RNF38: variants seen among roughly 807,000 people sequenced by gnomAD.
The protein encoded by RNF38 is ring finger protein 38.
RNF38 carries 15 observed loss-of-function variants against 67.2 expected under a neutral mutation model. That is an observed-to-expected ratio of 0.22 (90% CI 0.15 to 0.34). The LOEUF (loss-of-function observed/expected upper bound fraction) is 0.34. RNF38 is among the 10% of genes least tolerant of loss of function. RNF38 has a pLI of 1.00. For synonymous variants in RNF38, 220 were observed against 218.8 expected, an observed-to-expected ratio of 1.01 and a Z score of -0.05; for missense variants, 524 against 639.9, an observed-to-expected ratio of 0.82 and a Z score of 1.95.
chr9:36,365,439 G>A (rs1206407058), intron 4 of RNF38, among the ~76,000 whole-genome samples: 2 of 151,784 alleles, frequency 1.3e-5, no homozygotes, highest in African/African-American at 4.8e-5. Context: ...ATGGTGGCAG[G>A]TGCCTGTAAT....
chr9:36,401,171 C>T, upstream of RNF38: 2 of 984,802 alleles, frequency 2.0e-6, no homozygotes, highest in Non-Finnish European at 2.4e-6. Flanking sequence ...CGCGCCGAAC[C>T]CCCTTTGTTT....
Position 36,339,490 on chromosome 9 carries a change from C to A in RNF38, c.*262G>T. The stretch of plus-strand genomic sequence containing the variant: ...AACACTCGGAATGATCACACAAAAA[C>A]CAGGGAATGTTAGTGCACACACAAA... On this transcript the variant is annotated 3_prime_UTR_variant, in exon 12 of 12. Coordinates refer to ENST00000259605, the MANE Select transcript of RNF38 (RefSeq NM_022781.5). 2 of 428,658 alleles carry A rather than the reference C, an allele frequency of 4.7e-6. No homozygotes were observed. The highest frequency in any genetic ancestry group is 8.5e-6 in the Non-Finnish European group (2 of 236,460). 26.6% of individuals were successfully genotyped at this position (428,658 alleles called of 1,614,324 possible). A position where few individuals can be genotyped will look rare whatever the true frequency, so the allele number is the denominator to read the frequency against.
At chr9:36,375,872 T>A (rs1193703428) in intron 3 of RNF38, 62 bp downstream of exon 3, 2 of 1,471,606 alleles carry the variant, frequency 1.4e-6, no homozygotes, top group Admixed American at 2.3e-5. Context: ...TTTCTGATGT[T>A]AAATATACTC....
rs537565012 is a variant in RNF38, at chr9:36,485,311, T to C, written n.241+1997A>G. Among the ~76,000 whole-genome samples the C allele has an allele frequency of 2.3e-3, 348 of 152,090 alleles. 1 individual carries two copies. The highest frequency in any genetic ancestry group is 8.1e-3 in the African/African-American group (335 of 41,416). On this transcript the variant is annotated intron_variant and non_coding_transcript_variant, in intron 1 of 3. Coordinates refer to the RNF38 transcript ENST00000488058. ...GTACAAGGATCTCTTAGGGTATATATACACACACACACCCAGAAATGGACA... is the reference window on the plus strand; with the variant it reads ...GTACAAGGATCTCTTAGGGTATATACACACACACACACCCAGAAATGGACA...
intron 2 of RNF38, among the ~76,000 whole-genome samples, chr9:36,415,904 T>C (rs1838452457): frequency 6.6e-6 from 1 of 152,024 alleles, no homozygotes; most frequent in African/African-American, 2.4e-5. Flanking sequence ...AGTTGTTCTT[T>C]TATGAGTTGC....
intron 2 of RNF38, among the ~76,000 whole-genome samples, chr9:36,388,977 T>C (rs1836860980): frequency 6.6e-6 from 1 of 152,084 alleles, no homozygotes; most frequent in African/African-American, 2.4e-5. Flanking sequence ...AGATATCAAC[T>C]AGCTGAAGGT....
chr9:36,436,818 CAAA>C (rs35428713), intron 1 of RNF38, among the ~76,000 whole-genome samples: 7 of 80,322 alleles, frequency 8.7e-5, no homozygotes, highest in African/African-American at 2.0e-4. Context: ...CGAGACTCCT[CAAA>C]AAAAAAAAAA....
At chr9:36,439,046 AT>A (rs1839134219) in intron 1 of RNF38, among the ~76,000 whole-genome samples, 2 of 140,252 alleles carry the variant, frequency 1.4e-5, no homozygotes, top group Admixed American at 1.4e-4. Context: ...CTTCAAATCT[AT>A]GCAGAATAGA....
intron 1 of RNF38, among the ~76,000 whole-genome samples, chr9:36,469,467 C>A (rs767634601): frequency 6.6e-6 from 1 of 151,918 alleles, no homozygotes; most frequent in Non-Finnish European, 1.5e-5. Flanking sequence ...TGAGACCAGC[C>A]TGACCAACAT....
At chr9:36,340,668 G>T (rs1832767271) in intron 11 of RNF38, among the ~76,000 whole-genome samples, 1 of 152,132 alleles carries the variant, frequency 6.6e-6, no homozygotes, top group Non-Finnish European at 1.5e-5. Flanking sequence ...CACCATTCCT[G>T]GCCCCTTGGC....
intron 9 of RNF38, 83 bp from the exon 10 acceptor site, chr9:36,345,036 T>G: frequency 7.0e-7 from 1 of 1,437,876 alleles, no homozygotes; most frequent in Non-Finnish European, 9.5e-7. Context: ...GATGGAGTCC[T>G]GCTATGTTGC....
chr9:36,385,708 A>G (rs1836572413), intron 2 of RNF38, among the ~76,000 whole-genome samples: 1 of 152,156 alleles, frequency 6.6e-6, no homozygotes, highest in African/African-American at 2.4e-5. Context: ...CTGCAAAACC[A>G]TTACATCTGA....
chr9:36,478,707 C>A (rs1840181174), intron 1 of RNF38, among the ~76,000 whole-genome samples: 1 of 151,182 alleles, frequency 6.6e-6, no homozygotes, highest in South Asian at 2.1e-4. Flanking sequence ...ATTCCAGCTA[C>A]TCGGGAGGCT....
chr9:36,342,746 T>A (rs1226289956), intron 10 of RNF38, among the ~76,000 whole-genome samples: 4 of 152,154 alleles, frequency 2.6e-5, no homozygotes, highest in Middle Eastern at 3.2e-3. Flanking sequence ...ATACCATATA[T>A]AAAAACTGAC....
Position 36,352,789 on chromosome 9 carries a change from C to T in RNF38, c.1131G>A (p.Gln377=), listed in dbSNP as rs918446017. The part of the protein sequence containing the change: ...LTGRSRYRSQ[Q]PIPPPPYHPS... ...GATGATAAGGGGGAGGTGGTATTGG[C>T]TGCTGGGATCGGTATCTACTACGTC... The change falls in exon 8 of 12, where the codon CAG becomes CAA. Residue 377 remains glutamine (Q), a synonymous_variant. Coordinates refer to ENST00000259605, the MANE Select transcript of RNF38 (RefSeq NM_022781.5). 2.7e-5 allele frequency: 43 copies of T among 1,613,924 alleles called. No individual in the cohort carries two copies. The highest frequency in any genetic ancestry group is 3.6e-5 in the Non-Finnish European group (43 of 1,179,980).
intron 2 of RNF38, among the ~76,000 whole-genome samples, chr9:36,412,705 C>G (rs774828589): frequency 6.6e-6 from 1 of 152,152 alleles, no homozygotes; most frequent in Non-Finnish European, 1.5e-5. Flanking sequence ...TTTGGGATGC[C>G]GAGGTGGATC....
intron 1 of RNF38, among the ~76,000 whole-genome samples, chr9:36,459,577 T>C (rs891118921): frequency 2.0e-5 from 3 of 152,198 alleles, no homozygotes; most frequent in Admixed American, 2.0e-4. Context: ...AGAATTACTT[T>C]GTATTTAACA....
rs531727040 is a variant in RNF38, at chr9:36,458,696, A to G, written n.241+28612T>C. ...ACATCTGGAGGAACAAACTCTGGAC[A>G]CACCATCTTTAAGAGTTGTAACACT... On this transcript the variant is annotated intron_variant and non_coding_transcript_variant, in intron 1 of 3. Coordinates refer to the RNF38 transcript ENST00000488058. Among the ~76,000 whole-genome samples, 46 of 151,292 alleles carry G rather than the reference A, an allele frequency of 3.0e-4. No individual in the cohort carries two copies. The South Asian group carries it at 9.6e-3, about 32-fold the overall frequency.
At chr9:36,454,254 A>C (rs931562535) in intron 1 of RNF38, among the ~76,000 whole-genome samples, 2 of 151,360 alleles carry the variant, frequency 1.3e-5, no homozygotes, top group East Asian at 3.9e-4. Context: ...CTCTGTTGTA[A>C]CTGGGATTAC....
Sources: gnomAD v4.1 joint callset for allele counts (sites outside exome capture counted in the v4.1 genomes callset) on GRCh38, gnomAD v4.1.1 for gene constraint, MANE v1.5 for transcripts, NCBI Gene and HGNC (gene_info 2026-07-23, HGNC 2026-07-21) for gene names.